Variants in WTIP observed in about 807,000 individuals in gnomAD.
WTIP encodes WT1 interacting protein.
A neutral mutation model predicts 41.7 loss-of-function variants in WTIP; 23 were observed. The ratio of observed to expected loss-of-function variants is 0.55; its 90% confidence interval spans 0.40 to 0.78. The LOEUF (loss-of-function observed/expected upper bound fraction) is 0.78, where lower values mean the gene tolerates loss of function less well. WTIP is among the 30% of genes least tolerant of loss of function. WTIP has a pLI of 0.00. For missense variants in WTIP, 619 were observed against 610.5 expected, an observed-to-expected ratio of 1.01 and a Z score of -0.15; for synonymous variants, 314 against 269.9, an observed-to-expected ratio of 1.16 and a Z score of -1.60.
At chr19:34,494,696 C>G (rs2075844067) in intron 6 of WTIP, 59 bp downstream of exon 6, 13 of 1,576,262 alleles carry the variant, frequency 8.2e-6, no homozygotes, top group Non-Finnish European at 1.1e-5. Flanking sequence ...GCTGTCCTGT[C>G]TAGCCTGGGT....
At chr19:34,489,067 C>T (rs993895739) in intron 1 of WTIP, among the ~76,000 whole-genome samples, 2 of 151,592 alleles carry the variant, frequency 1.3e-5, no homozygotes, top group South Asian at 2.1e-4. Flanking sequence ...GGTGTGGTGG[C>T]ACATGCCTGT....
In WTIP at chr19:34,482,717, G is replaced by A. The variant is rs2075775369; in HGVS notation, c.667+76G>A. 7.4e-6 allele frequency: 9 copies of A among 1,208,408 alleles called. No individual in the cohort carries two copies. The South Asian group carries it at 3.4e-4, about 46-fold the overall frequency. The allele number at this position is 1,208,408 out of a possible 1,614,324, so 74.9% of individuals were successfully genotyped here. On this transcript the variant is annotated intron_variant, in intron 1 of 7. Coordinates refer to ENST00000590071, the MANE Select transcript of WTIP (RefSeq NM_001080436.2). ...GTTCCGAGACTGCCTCGGGTAGGCG[G>A]CCGGATCAGCGGAGGAGAGCACGGG... is the stretch of plus-strand genomic sequence containing the variant.
chr19:34,486,878 C>T (rs1193798882), intron 1 of WTIP, among the ~76,000 whole-genome samples: 1 of 152,082 alleles, frequency 6.6e-6, no homozygotes, highest in Non-Finnish European at 1.5e-5. Context: ...CCAACCTCCA[C>T]CTCCTGCACC....
At chr19:34,487,477 G>A (rs1351761029) in intron 1 of WTIP, among the ~76,000 whole-genome samples, 3 of 146,964 alleles carry the variant, frequency 2.0e-5, no homozygotes, top group Non-Finnish European at 1.5e-5. Context: ...GCCCTGGGCA[G>A]AGCAGGGGGT....
intron 7 of WTIP, among the ~76,000 whole-genome samples, chr19:34,498,973 C>T (rs908387565): frequency 6.6e-6 from 1 of 152,064 alleles, no homozygotes; most frequent in African/African-American, 2.4e-5. Context: ...TTTGGGAGGC[C>T]GAGGTGGGAG....
intron 1 of WTIP, among the ~76,000 whole-genome samples, chr19:34,483,917 C>CTTTTTTTTT (rs61308943): frequency 1.5e-5 from 1 of 66,842 alleles, no homozygotes; most frequent in Non-Finnish European, 2.8e-5. Context: ...TGAACTGGAT[C>CTTTTTTTTT]TTTTTTTTTT....
In WTIP at chr19:34,510,875, A is replaced by G. The variant is rs918678382; in HGVS notation, c.*10606A>G. On this transcript the variant is annotated 3_prime_UTR_variant, in exon 8 of 8. Coordinates refer to ENST00000590071, the MANE Select transcript of WTIP (RefSeq NM_001080436.2). ...AATCACCTTTGCTCCAGTTCCCAACAAGTTCCTCATCTCCATCTGAGACCA... is the reference window on the plus strand; with the variant it reads ...AATCACCTTTGCTCCAGTTCCCAACGAGTTCCTCATCTCCATCTGAGACCA... 1 of 152,254 alleles carries G rather than the reference A, an allele frequency of 6.6e-6. No individual in the cohort carries two copies. Among genetic ancestry groups the G allele is most frequent in the African/African-American group, 2.4e-5 (1 of 41,456 alleles). 9.4% of individuals were successfully genotyped at this position (152,254 alleles called of 1,614,324 possible).
At position 34,493,002 on chromosome 19, in the gene WTIP, G is replaced by A. The variant is rs763940205; in HGVS notation, c.770-35G>A. ...CACGGCTCCATCCCTGGTCCCCAGC[G>A]TTCCAGGGACCCCTCTCAACCCTCA... On this transcript the variant is annotated intron_variant, in intron 2 of 7. Transcript: ENST00000590071. The surrounding 1 kb of genome is among the most constrained non-coding windows in gnomAD (Gnocchi z 4.1). 2.9e-5 allele frequency: 46 copies of A among 1,611,408 alleles called. No individual in the cohort carries two copies. The highest frequency in any genetic ancestry group is 1.3e-4 in the Admixed American group (8 of 59,992).
At chr19:34,490,961 A>T (rs1395552083) in intron 2 of WTIP, among the ~76,000 whole-genome samples, 1 of 151,086 alleles carries the variant, frequency 6.6e-6, no homozygotes, top group Non-Finnish European at 1.5e-5. Flanking sequence ...AGCTGGGATT[A>T]TAGGCACACG....
At chr19:34,488,924 G>C (rs2075811460) in intron 1 of WTIP, among the ~76,000 whole-genome samples, 1 of 140,968 alleles carries the variant, frequency 7.1e-6, no homozygotes, top group African/African-American at 2.6e-5. Context: ...AAGGCCGGGA[G>C]CAGTGGCTCA....
At chr19:34,498,957 C>T (rs1168332241) in intron 7 of WTIP, among the ~76,000 whole-genome samples, 2 of 152,148 alleles carry the variant, frequency 1.3e-5, no homozygotes, top group South Asian at 2.1e-4. Context: ...CCTACAATCC[C>T]AGCACTTTGG....
intron 2 of WTIP, among the ~76,000 whole-genome samples, chr19:34,491,142 G>T (rs937988315): frequency 3.3e-5 from 5 of 151,430 alleles, no homozygotes; most frequent in African/African-American, 4.9e-5. Context: ...ATTTATTTTT[G>T]ATCATAATTT....
intron 1 of WTIP, among the ~76,000 whole-genome samples, chr19:34,486,292 A>T (rs899796304): frequency 2.6e-5 from 4 of 151,696 alleles, no homozygotes; most frequent in Non-Finnish European, 4.4e-5. Flanking sequence ...GGAACCCCTC[A>T]GGACTGTGGG....
At chr19:34,486,655 C>T (rs936500031) in intron 1 of WTIP, among the ~76,000 whole-genome samples, 2 of 151,972 alleles carry the variant, frequency 1.3e-5, no homozygotes, top group African/African-American at 4.8e-5. Flanking sequence ...CGTGAGCCAC[C>T]GCGCCTGGCC....
intron 7 of WTIP, among the ~76,000 whole-genome samples, chr19:34,499,686 T>C (rs1197361268): frequency 1.3e-5 from 2 of 150,890 alleles, no homozygotes; most frequent in Non-Finnish European, 3.0e-5. Flanking sequence ...ATACCCCCTC[T>C]GGCAGAGGAA....
At position 34,493,381 on chromosome 19, in the gene WTIP, C is replaced by G. The variant is rs949076457; in HGVS notation, c.900+56C>G. On this transcript the variant is annotated intron_variant, in intron 4 of 7. Transcript: ENST00000590071. This position sits in a 1 kb window ranked among gnomAD's most constrained non-coding sequence, Gnocchi z 4.1. ...CTCTGACGTGGGTGGAGTCTGAGGACTCTACCGTCTCCCCTGCTCCAGACC... is the reference window on the plus strand; with the variant it reads ...CTCTGACGTGGGTGGAGTCTGAGGAGTCTACCGTCTCCCCTGCTCCAGACC... 1 of 1,594,126 alleles carries G rather than the reference C, an allele frequency of 6.3e-7. No individual in the cohort carries two copies. Among genetic ancestry groups the G allele is most frequent in the African/African-American group, 1.3e-5 (1 of 74,462 alleles).
rs1568407121 is a variant in WTIP, at chr19:34,510,930, C to CTAAGCATTTTTATCAAATGCTTATCA, written c.*10663_*10664insAGCATTTTTATCAAATGCTTATCATA. Reference sequence around the variant, plus strand: ...AGCCTGGACCTTAGTATTCATATCACTATCAGCATTTTTATCAAATATTAA... The same window carrying CTAAGCATTTTTATCAAATGCTTATCA: ...AGCCTGGACCTTAGTATTCATATCACTAAGCATTTTTATCAAATGCTTATCATATCAGCATTTTTATCAAATATTAA... On this transcript the variant is annotated 3_prime_UTR_variant, in exon 8 of 8. Coordinates refer to ENST00000590071, the MANE Select transcript of WTIP (RefSeq NM_001080436.2). 1 of 152,248 alleles carries CTAAGCATTTTTATCAAATGCTTATCA rather than the reference C, an allele frequency of 6.6e-6. No homozygotes were observed. The allele number at this position is 152,248 out of a possible 1,614,324, so 9.4% of individuals were successfully genotyped here. A position where few individuals can be genotyped will look rare whatever the true frequency, so the allele number is the denominator to read the frequency against.
In WTIP at chr19:34,500,146, G is replaced by A. The variant is rs2075876830; in HGVS notation, c.1170G>A (p.Leu390=). 4 of 1,600,388 alleles carry A rather than the reference G, an allele frequency of 2.5e-6. No individual in the cohort carries two copies. The highest frequency in any genetic ancestry group is 3.4e-6 in the Non-Finnish European group (4 of 1,179,776). ...TTCCCTAGGACTGCGGGCTGCAGCT[G>A]AGCGGGGAGGAGGGACGCCGTTGCT... ...CYHCEDCGLQ[L]SGEEGRRCYP... Residue 390 remains leucine, a synonymous_variant, in exon 8 of 8, where the codon CTG becomes CTA. Coordinates refer to ENST00000590071, the MANE Select transcript of WTIP (RefSeq NM_001080436.2).
rs1057272512 is a variant in WTIP at position 34,504,958 on chromosome 19, G to C, written c.*4689G>C. ...CCTGTGGGGCCCAGGAGAACCTTGG[G>C]GTGGGGATCAAGAACAGGTCTGGGA... On this transcript the variant is annotated 3_prime_UTR_variant, in exon 8 of 8. Transcript: ENST00000590071. The C allele has an allele frequency of 2.0e-5, 3 of 152,468 alleles. No homozygotes were observed. Among genetic ancestry groups the C allele is most frequent in the Non-Finnish European group, 4.4e-5 (3 of 68,292 alleles). The allele number at this position is 152,468 out of a possible 1,614,324, so 9.4% of individuals were successfully genotyped here. A position where few individuals can be genotyped will look rare whatever the true frequency, so the allele number is the denominator to read the frequency against.
Sources: gnomAD v4.1 joint callset for allele counts (sites outside exome capture counted in the v4.1 genomes callset) on GRCh38, gnomAD v4.1.1 for gene constraint, Gnocchi (gnomAD v3.1) non-coding constraint, MANE v1.5 for transcripts, NCBI Gene and HGNC (gene_info 2026-07-23, HGNC 2026-07-21) for gene names.